The following PARP8 variants were observed in gnomAD, a reference collection of about 807,000 sequenced individuals.
The protein encoded by PARP8 is protein mono-ADP-ribosyltransferase PARP8.
PARP8 carries 51 observed loss-of-function variants against 124.1 expected under a neutral mutation model. That is an observed-to-expected ratio of 0.41 (90% CI 0.33 to 0.52). PARP8 has a LOEUF of 0.52. PARP8 is among the 20% of genes least tolerant of loss of function. The pLI, the probability that PARP8 is intolerant of heterozygous loss-of-function variation, is 0.21. For missense variants in PARP8, 860 were observed against 1,018.9 expected (o/e 0.84, Z 2.12); for synonymous variants, 391 against 361.5 (o/e 1.08, Z -0.93).
At chr5:50,799,499 G>C (rs972808375) in intron 14 of PARP8, among the ~76,000 whole-genome samples, 2 of 152,202 alleles carry the variant, frequency 1.3e-5, no homozygotes, top group African/African-American at 4.8e-5. Flanking sequence ...TCAAGAGGCA[G>C]AAATCCTTTG....
chr5:50,754,910 T>C (rs1759748457), intron 3 of PARP8, among the ~76,000 whole-genome samples: 1 of 152,210 alleles, frequency 6.6e-6, no homozygotes, highest in Admixed American at 6.5e-5. Flanking sequence ...ATTGTGGTTT[T>C]GATTTGCATT....
intron 9 of PARP8, 50 bp from the exon 10 acceptor site, chr5:50,788,473 G>A: frequency 6.5e-7 from 1 of 1,534,630 alleles, no homozygotes; most frequent in South Asian, 1.1e-5. Context: ...GCTGATGGTT[G>A]AGTTTCAGTT....
intron 3 of PARP8, among the ~76,000 whole-genome samples, chr5:50,754,295 T>C (rs1759658612): frequency 6.6e-6 from 1 of 151,270 alleles, no homozygotes. Context: ...AACTCATCAT[T>C]TACATTAGGT....
chr5:50,733,022 C>T (rs1004622935), intron 2 of PARP8, among the ~76,000 whole-genome samples: 4 of 151,644 alleles, frequency 2.6e-5, no homozygotes, highest in East Asian at 2.0e-4. Flanking sequence ...GGGTGAAAGG[C>T]CGGGCGCGGT....
chr5:50,752,356 G>T (rs1285079669), intron 3 of PARP8, among the ~76,000 whole-genome samples: 1 of 151,990 alleles, frequency 6.6e-6, no homozygotes, highest in Non-Finnish European at 1.5e-5. Context: ...AAATCTGTCT[G>T]AGCTTTTTAG....
chr5:50,788,662 A>G, intron 10 of PARP8, 73 bp downstream of exon 10: 1 of 1,265,782 alleles, frequency 7.9e-7, no homozygotes, highest in Non-Finnish European at 1.1e-6. Flanking sequence ...CATTAAAACA[A>G]ACAAACAAAA....
At chr5:50,721,567 C>T (rs1473745276) in intron 2 of PARP8, among the ~76,000 whole-genome samples, 9 of 151,954 alleles carry the variant, frequency 5.9e-5, no homozygotes, top group African/African-American at 1.7e-4. Flanking sequence ...ACTAAATAAC[C>T]GATTGTATTG....
intron 25 of PARP8, among the ~76,000 whole-genome samples, chr5:50,836,924 A>G (rs1451225389): frequency 1.3e-5 from 2 of 152,030 alleles, no homozygotes; most frequent in African/African-American, 2.4e-5. Context: ...CAGTTCATCT[A>G]CTCCTTCTGC....
intron 14 of PARP8, among the ~76,000 whole-genome samples, chr5:50,802,554 C>T (rs1425442129): frequency 2.6e-5 from 4 of 152,086 alleles, no homozygotes; most frequent in African/African-American, 9.7e-5. Context: ...AAGTCCTGGC[C>T]TCAAATGATT....
At chr5:50,738,253 A>T (rs1205608774) in intron 2 of PARP8, among the ~76,000 whole-genome samples, 1 of 152,220 alleles carries the variant, frequency 6.6e-6, no homozygotes, top group Non-Finnish European at 1.5e-5. Context: ...AAAATTGTTA[A>T]ATCATGAAGA....
chr5:50,666,082 A>G (rs1242106930), upstream of PARP8: 2 of 152,134 alleles, frequency 1.3e-5, no homozygotes, highest in Non-Finnish European at 2.9e-5. Context: ...GAGTTTCAAG[A>G]GGAGGAAGTC....
At chr5:50,828,518 C>A in intron 21 of PARP8, 134 bp downstream of exon 21, 1 of 722,798 alleles carries the variant, frequency 1.4e-6, no homozygotes, top group Non-Finnish European at 2.3e-6. Context: ...TTCTAGTAGG[C>A]ATACTAGAAC....
chr5:50,669,588 T>C (rs1203465440), intron 2 of PARP8: 3 of 152,216 alleles, frequency 2.0e-5, no homozygotes, highest in Non-Finnish European at 4.4e-5. Flanking sequence ...GTAAATCATA[T>C]GCTTAATCAC....
In PARP8 at chr5:50,670,259, G is replaced by A. The variant is rs551012752; in HGVS notation, c.146+2134G>A. Among the ~76,000 whole-genome samples, 3 of 152,240 alleles carry A rather than the reference G, an allele frequency of 2.0e-5. No homozygotes were observed. In the East Asian group the frequency reaches 5.8e-4, roughly 29 times the overall value. ...TTTAGGTGAACTAGACTTTATTGAA[G>A]GAGGTGGGAGCCTTATGGAGAGAGA... is the stretch of plus-strand genomic sequence containing the variant. On this transcript the variant is annotated intron_variant, in intron 2 of 25. Transcript: ENST00000281631.
intron 9 of PARP8, among the ~76,000 whole-genome samples, chr5:50,781,978 C>T (rs1360250908): frequency 6.6e-6 from 1 of 152,156 alleles, no homozygotes; most frequent in Admixed American, 6.5e-5. Context: ...CCCTTGTCTG[C>T]ACTCAGGGTC....
chr5:50,685,978 T>C (rs968685184), intron 2 of PARP8, among the ~76,000 whole-genome samples: 6 of 152,090 alleles, frequency 3.9e-5, no homozygotes, highest in African/African-American at 1.4e-4. Context: ...GCCAAACCAT[T>C]CTGCCCTGGG....
chr5:50,794,876 G>T lies in PARP8; in HGVS notation c.887G>T (p.Gly296Val). Residue 296 changes from glycine to valine, a missense_variant, in exon 12 of 26, where the codon GGT becomes GTT. This residue lies in a region of PARP8 where 517 missense variants were observed against 544.2 expected (regional missense o/e 0.95). Transcript: ENST00000281631. Reference sequence around the variant, plus strand: ...AGGTCGCCAAGTTATCCTCCCCCTGGTTGTGGCAAAAGCAAATCCAAACTG... The same window carrying T: ...AGGTCGCCAAGTTATCCTCCCCCTGTTTGTGGCAAAAGCAAATCCAAACTG... ...LRRSPSYPPP[G>V]CGKSKSKLKS... The T allele has an allele frequency of 6.2e-7, 1 of 1,613,872 alleles. No homozygotes were observed.
At chr5:50,747,154 G>GTTTTGTTTTTTTTTTTTT (rs370243477) in intron 2 of PARP8, among the ~76,000 whole-genome samples, 1 of 121,918 alleles carries the variant, frequency 8.2e-6, no homozygotes, top group Non-Finnish European at 1.6e-5. Flanking sequence ...TTTTTTGTTT[G>GTTTTGTTTTTTTTTTTTT]TTTGTTTTGT....
intron 2 of PARP8, among the ~76,000 whole-genome samples, chr5:50,703,636 T>C (rs1266465634): frequency 6.6e-6 from 1 of 152,198 alleles, no homozygotes; most frequent in East Asian, 1.9e-4. Flanking sequence ...ATTTGCCATG[T>C]GTTCTCTACT....
Sources: gnomAD v4.1 joint callset for allele counts (sites outside exome capture counted in the v4.1 genomes callset) on GRCh38, gnomAD v4.1.1 for gene constraint, gnomAD v4.1.1 regional missense constraint, MANE v1.5 for transcripts, NCBI Gene and HGNC (gene_info 2026-07-23, HGNC 2026-07-21) for gene names.